CD1B: variants seen among roughly 807,000 people sequenced by gnomAD.
CD1B encodes CD1b molecule.
A neutral mutation model predicts 39.8 loss-of-function variants in CD1B; 43 were observed. That is an observed-to-expected ratio of 1.08 (90% CI 0.85 to 1.39). CD1B has a LOEUF of 1.39. Among genes scored for constraint, CD1B ranks in the 40% most tolerant of loss-of-function variants. The pLI, the probability that CD1B is intolerant of heterozygous loss-of-function variation, is 0.00. For synonymous variants in CD1B, 192 were observed against 152.5 expected, an observed-to-expected ratio of 1.26 and a Z score of -1.91; for missense variants, 495 against 403.8, an observed-to-expected ratio of 1.23 and a Z score of -1.94.
At chr1:158,309,166 G>A in the CD1B span, among the ~76,000 whole-genome samples, 1 of 152,142 alleles carries the variant, frequency 6.6e-6, no homozygotes, top group Non-Finnish European at 1.5e-5. Flanking sequence ...CAAAAAGTGG[G>A]CAAAGGATAT....
the CD1B span, among the ~76,000 whole-genome samples, chr1:158,301,480 C>G: frequency 6.6e-6 from 1 of 152,056 alleles, no homozygotes; most frequent in Non-Finnish European, 1.5e-5. Context: ...TAAGGCAGGT[C>G]TGGTGGTGAC....
the CD1B span, among the ~76,000 whole-genome samples, chr1:158,296,008 C>T: frequency 6.6e-6 from 1 of 152,164 alleles, no homozygotes; most frequent in Non-Finnish European, 1.5e-5. Context: ...TGCCACACTA[C>T]CATCCCTGGT....
the CD1B span, chr1:158,291,276 G>T: frequency 5.0e-6 from 8 of 1,613,940 alleles, no homozygotes; most frequent in Non-Finnish European, 2.5e-6. Flanking sequence ...TAATTTTCCT[G>T]CATAACTGGT....
chr1:158,310,098 A>T, the CD1B span, among the ~76,000 whole-genome samples: 2 of 152,192 alleles, frequency 1.3e-5, no homozygotes, highest in African/African-American at 4.8e-5. Flanking sequence ...CCAAAACAGC[A>T]TGGTACTAGT....
At chr1:158,300,616 A>C in the CD1B span, among the ~76,000 whole-genome samples, 1 of 152,042 alleles carries the variant, frequency 6.6e-6, no homozygotes, top group Non-Finnish European at 1.5e-5. Flanking sequence ...TGGGAGTATA[A>C]GTCTCTTCGT....
At chr1:158,311,419 G>A in the CD1B span, among the ~76,000 whole-genome samples, 1 of 151,922 alleles carries the variant, frequency 6.6e-6, no homozygotes, top group Non-Finnish European at 1.5e-5. Flanking sequence ...ATATATTCTG[G>A]ATCTTAATCC....
At chr1:158,305,734 C>T in the CD1B span, among the ~76,000 whole-genome samples, 10 of 152,244 alleles carry the variant, frequency 6.6e-5, no homozygotes, top group African/African-American at 1.9e-4. Flanking sequence ...GCTGATCTCT[C>T]AGCAGAAACT....
chr1:158,298,576 A>G, the CD1B span, among the ~76,000 whole-genome samples: 4 of 152,130 alleles, frequency 2.6e-5, no homozygotes, highest in Admixed American at 2.6e-4. Context: ...CTTGATAGGG[A>G]TGGCATTGAA....
the CD1B span, among the ~76,000 whole-genome samples, chr1:158,314,686 T>C: frequency 1.3e-5 from 2 of 152,164 alleles, no homozygotes; most frequent in African/African-American, 2.4e-5. Flanking sequence ...CTTTAAGTTT[T>C]AGGGTAATGT....
In CD1B at chr1:158,331,346, G is replaced by T; in HGVS notation, c.61+17C>A. ...AACCCCTGCACCAGTGCTGGGAGCT[G>T]CCAGAGTGACTCTTACCATGTTCAC... On this transcript the variant is annotated intron_variant, in intron 1 of 5. Coordinates refer to ENST00000368168, the MANE Select transcript of CD1B (RefSeq NM_001764.3). 1 of 1,610,822 alleles carries T rather than the reference G, an allele frequency of 6.2e-7. No homozygotes were observed. The highest frequency in any genetic ancestry group is 8.5e-7 in the Non-Finnish European group (1 of 1,177,018).
chr1:158,328,167 T>C lies in CD1B; in HGVS notation c.*69A>G, dbSNP rs1448458196. Reference sequence around the variant, plus strand: ...AAAATCATTTGAAATATGATAAGATTGACTTTTGGGCTGATATCTTGGGCT... The same window carrying C: ...AAAATCATTTGAAATATGATAAGATCGACTTTTGGGCTGATATCTTGGGCT... On this transcript the variant is annotated 3_prime_UTR_variant, in exon 6 of 6. Transcript: ENST00000368168. 3.6e-6 allele frequency: 4 copies of C among 1,124,048 alleles called. No homozygotes were observed. In the East Asian group the frequency reaches 9.4e-5, roughly 27 times the overall value. 69.6% of individuals were successfully genotyped at this position (1,124,048 alleles called of 1,614,324 possible). A position where few individuals can be genotyped will look rare whatever the true frequency, so the allele number is the denominator to read the frequency against.
chr1:158,305,801 T>C, the CD1B span, among the ~76,000 whole-genome samples: 1 of 152,246 alleles, frequency 6.6e-6, no homozygotes, highest in African/African-American at 2.4e-5. Context: ...AAAAGAATTT[T>C]CAAACCAGAA....
chr1:158,308,534 G>C, the CD1B span, among the ~76,000 whole-genome samples: 1 of 152,272 alleles, frequency 6.6e-6, no homozygotes, highest in East Asian at 1.9e-4. Context: ...TCAATCCTAA[G>C]CCAAAAGAAT....
At chr1:158,292,938 A>G in the CD1B span, 3 of 1,522,978 alleles carry the variant, frequency 2.0e-6, no homozygotes, top group East Asian at 2.3e-5. Context: ...GGGAGAGGAA[A>G]TTTTGAGGAT....
the CD1B span, among the ~76,000 whole-genome samples, chr1:158,296,744 A>T: frequency 6.6e-6 from 1 of 152,232 alleles, no homozygotes. Context: ...TAGCCATTTT[A>T]AGAAAGAACT....
chr1:158,289,786 A>C, the CD1B span: 1 of 357,216 alleles, frequency 2.8e-6, no homozygotes, highest in Non-Finnish European at 5.1e-6. Context: ...ACTTTGTCTA[A>C]GGCAGTTGAG....
chr1:158,314,015 T>A, the CD1B span, among the ~76,000 whole-genome samples: 1 of 152,158 alleles, frequency 6.6e-6, no homozygotes, highest in African/African-American at 2.4e-5. Flanking sequence ...TAAAGTCTCC[T>A]TTTATATCTA....
the CD1B span, chr1:158,293,189 A>C: frequency 6.4e-6 from 10 of 1,564,260 alleles, no homozygotes; most frequent in Non-Finnish European, 8.8e-6. Context: ...AATGGCATCC[A>C]TGTATCTTTC....
At chr1:158,293,567 TTTAAA>T in the CD1B span, 1 of 1,613,890 alleles carries the variant, frequency 6.2e-7, no homozygotes. Context: ...CGACTCTCCA[TTTAAA>T]TTGTTTCTCT....
Sources: gnomAD v4.1 joint callset for allele counts (sites outside exome capture counted in the v4.1 genomes callset) on GRCh38, gnomAD v4.1.1 for gene constraint, MANE v1.5 for transcripts, NCBI Gene and HGNC (gene_info 2026-07-23, HGNC 2026-07-21) for gene names.